Variants in F13A1 observed in about 807,000 individuals in gnomAD.
F13A1 encodes the protein FSF, A subunit.
A neutral mutation model predicts 80.1 loss-of-function variants in F13A1; 47 were observed. The observed-to-expected ratio is 0.59, with a 90% CI of 0.46 to 0.75. The LOEUF (loss-of-function observed/expected upper bound fraction) is 0.75. Ranked by LOEUF, F13A1 falls within the 30% of genes least tolerant of loss-of-function variation. The pLI, the probability that F13A1 is intolerant of heterozygous loss-of-function variation, is 0.00. For synonymous variants in F13A1, 349 were observed against 344.9 expected (o/e 1.01, Z -0.13); for missense variants, 817 against 930.4 (o/e 0.88, Z 1.59).
intron 3 of F13A1, among the ~76,000 whole-genome samples, chr6:6,294,713 CTTT>C (rs373278722): frequency 8.1e-6 from 1 of 123,614 alleles, no homozygotes; most frequent in Non-Finnish European, 1.9e-5. Flanking sequence ...GGTAGAGATT[CTTT>C]TTTTTTTAGT....
At chr6:6,200,096 C>T (rs1761365784) in intron 8 of F13A1, among the ~76,000 whole-genome samples, 1 of 152,158 alleles carries the variant, frequency 6.6e-6, no homozygotes, top group Non-Finnish European at 1.5e-5. Flanking sequence ...GCTTGAGTGC[C>T]TGTGGGAAAC....
chr6:6,197,362 C>T, intron 8 of F13A1, 36 bp from the exon 9 acceptor site: 1 of 1,576,944 alleles, frequency 6.3e-7, no homozygotes. Context: ...TTAAACTTCC[C>T]ATCACACCCA....
chr6:6,149,070 G>A (rs907358131), intron 14 of F13A1, among the ~76,000 whole-genome samples: 1 of 152,040 alleles, frequency 6.6e-6, no homozygotes, highest in African/African-American at 2.4e-5. Context: ...AGAACATGAA[G>A]GGGAAGATGG....
intron 8 of F13A1, among the ~76,000 whole-genome samples, chr6:6,218,580 C>T (rs1235914207): frequency 6.6e-6 from 1 of 152,170 alleles, no homozygotes; most frequent in Non-Finnish European, 1.5e-5. Context: ...CTGCTCTGCC[C>T]TTCTGAGGTT....
At chr6:6,257,085 T>G (rs144248069) in intron 4 of F13A1, among the ~76,000 whole-genome samples, 1 of 152,156 alleles carries the variant, frequency 6.6e-6, no homozygotes, top group Non-Finnish European at 1.5e-5. Flanking sequence ...CACTTACACT[T>G]GCTTCCCCCT....
chr6:6,306,878 C>T (rs1022455037), intron 2 of F13A1, among the ~76,000 whole-genome samples: 3 of 152,230 alleles, frequency 2.0e-5, no homozygotes, highest in South Asian at 2.1e-4. Context: ...ATGCCTGGTC[C>T]CTTTGGACCC....
intron 3 of F13A1, among the ~76,000 whole-genome samples, chr6:6,270,956 A>G (rs1038748655): frequency 6.6e-6 from 1 of 152,104 alleles, no homozygotes; most frequent in African/African-American, 2.4e-5. Context: ...TTTTTTTGTG[A>G]TTTGCATTGG....
At chr6:6,215,174 A>AT (rs1554101121) in intron 8 of F13A1, among the ~76,000 whole-genome samples, 1 of 132,444 alleles carries the variant, frequency 7.6e-6, no homozygotes, top group East Asian at 2.1e-4. Flanking sequence ...TCCCTAACTC[A>AT]TTTTATGAGG....
intron 6 of F13A1, among the ~76,000 whole-genome samples, chr6:6,228,965 G>C (rs1239598309): frequency 1.3e-5 from 2 of 152,162 alleles, no homozygotes; most frequent in African/African-American, 2.4e-5. Flanking sequence ...TTAAGGGAAA[G>C]AGCAGACCCT....
intron 8 of F13A1, among the ~76,000 whole-genome samples, chr6:6,221,321 G>A (rs922321811): frequency 1.3e-5 from 2 of 152,214 alleles, no homozygotes; most frequent in South Asian, 2.1e-4. Flanking sequence ...GTTCAGGGCA[G>A]TGAGAGAACC....
chr6:6,270,573 T>C (rs142402337), intron 3 of F13A1, among the ~76,000 whole-genome samples: 106 of 152,310 alleles, frequency 7.0e-4, no homozygotes, highest in African/African-American at 2.4e-3. Context: ...ACAAAACCTC[T>C]GTGAGGAAAT....
chr6:6,248,278 T>TAAC (rs1757580922), intron 6 of F13A1, 34 bp downstream of exon 6: 1 of 1,545,824 alleles, frequency 6.5e-7, no homozygotes. Context: ...ATGACAGGTG[T>TAAC]AACAGATTTT....
chr6:6,268,054 C>A (rs1039546054), intron 3 of F13A1, among the ~76,000 whole-genome samples: 3 of 152,162 alleles, frequency 2.0e-5, no homozygotes, highest in African/African-American at 7.2e-5. Flanking sequence ...AATAGTAAAG[C>A]AAAAGGAAAG....
At chr6:6,266,195 C>G (rs1337558423) in intron 4 of F13A1, among the ~76,000 whole-genome samples, 1 of 152,062 alleles carries the variant, frequency 6.6e-6, no homozygotes, top group African/African-American at 2.4e-5. Flanking sequence ...ATCTTACTAC[C>G]CCTTCAAAAA....
intron 12 of F13A1, among the ~76,000 whole-genome samples, chr6:6,172,259 C>T (rs1388872418): frequency 2.7e-5 from 4 of 150,748 alleles, no homozygotes; most frequent in Admixed American, 1.3e-4. Flanking sequence ...ACACAGTCAT[C>T]GCTTACATCC....
chr6:6,197,457 G>T, intron 8 of F13A1, 131 bp from the exon 9 acceptor site: 1 of 793,444 alleles, frequency 1.3e-6, no homozygotes, highest in Admixed American at 2.0e-5. Context: ...AGGCAGGTGA[G>T]TCACAAGGTC....
chr6:6,175,372 CT>C, intron 11 of F13A1, among the ~76,000 whole-genome samples: 2 of 152,314 alleles, frequency 1.3e-5, no homozygotes, highest in Middle Eastern at 6.8e-3. Context: ...GCCTGTCCCA[CT>C]TGCTGTTTGC....
chr6:6,245,125 A>T (rs1233986281), intron 6 of F13A1, among the ~76,000 whole-genome samples: 3 of 152,152 alleles, frequency 2.0e-5, no homozygotes, highest in African/African-American at 7.2e-5. Context: ...GAAGATAGGG[A>T]TGTCGTTAAA....
chr6:6,262,737 T>C (rs1209333716), intron 4 of F13A1, among the ~76,000 whole-genome samples: 4 of 149,844 alleles, frequency 2.7e-5, no homozygotes, highest in African/African-American at 7.4e-5. Context: ...AGTCACAAAA[T>C]GGCAATCACC....
Sources: allele counts gnomAD v4.1 joint callset (sites outside exome capture counted in the v4.1 genomes callset), GRCh38; gene constraint gnomAD v4.1.1; transcripts MANE v1.5; gene names NCBI Gene and HGNC (gene_info 2026-07-23, HGNC 2026-07-21).